SLC24A2: variants seen among roughly 807,000 people sequenced by gnomAD.
The protein encoded by SLC24A2 is sodium/potassium/calcium exchanger 2.
SLC24A2 carries 36 observed loss-of-function variants against 62.0 expected under a neutral mutation model. The observed-to-expected ratio is 0.58, with a 90% CI of 0.44 to 0.77. The LOEUF is 0.77. SLC24A2 is among the 30% of genes least tolerant of loss of function. The probability of loss-of-function intolerance (pLI) is 0.00; values close to 1 mark genes in which losing one functional copy is unlikely to be tolerated. For missense variants in SLC24A2, 846 were observed against 817.9 expected (o/e 1.03, Z -0.42); for synonymous variants, 358 against 294.0 (o/e 1.22, Z -2.23).
At chr9:20,283,374 A>C in the SLC24A2 span, among the ~76,000 whole-genome samples, 1 of 152,146 alleles carries the variant, frequency 6.6e-6, no homozygotes, top group African/African-American at 2.4e-5. Flanking sequence ...TGGAGGGAGG[A>C]AATCTGATTT....
chr9:19,527,950 C>G, intron 9 of SLC24A2, 99 bp downstream of exon 9: 1 of 770,198 alleles, frequency 1.3e-6, no homozygotes, highest in South Asian at 1.5e-5. Flanking sequence ...ACACCCAATA[C>G]TGTTGTGGCA....
intron 7 of SLC24A2, among the ~76,000 whole-genome samples, chr9:19,566,570 T>C (rs1835660647): frequency 6.6e-6 from 1 of 152,118 alleles, no homozygotes; most frequent in Non-Finnish European, 1.5e-5. Context: ...CTCAAGGATC[T>C]AGAACTAGAA....
chr9:20,259,563 A>T, the SLC24A2 span, among the ~76,000 whole-genome samples: 9 of 152,250 alleles, frequency 5.9e-5, no homozygotes, highest in South Asian at 1.9e-3. Flanking sequence ...TGAATGAGTT[A>T]TATGCCTACT....
At chr9:19,741,298 G>C (rs1821669811) in intron 2 of SLC24A2, among the ~76,000 whole-genome samples, 1 of 152,194 alleles carries the variant, frequency 6.6e-6, no homozygotes, top group African/African-American at 2.4e-5. Flanking sequence ...GGGAGCTAGA[G>C]GGAAGTGGGA....
At chr9:20,296,500 T>C in the SLC24A2 span, among the ~76,000 whole-genome samples, 3 of 152,262 alleles carry the variant, frequency 2.0e-5, no homozygotes, top group African/African-American at 4.8e-5. Flanking sequence ...GTAAGCACTA[T>C]GCATGTATGT....
At chr9:20,104,108 G>A in the SLC24A2 span, among the ~76,000 whole-genome samples, 2 of 152,144 alleles carry the variant, frequency 1.3e-5, no homozygotes, top group Non-Finnish European at 2.9e-5. Context: ...AGTGATGGAA[G>A]ATGAAATGAA....
chr9:19,516,783 G>A (rs1422193028), intron 10 of SLC24A2, among the ~76,000 whole-genome samples: 3 of 152,144 alleles, frequency 2.0e-5, no homozygotes, highest in Non-Finnish European at 4.4e-5. Flanking sequence ...GGTGAAGGGA[G>A]CAGGCAGGTG....
At chr9:19,874,252 G>GC in the SLC24A2 span, among the ~76,000 whole-genome samples, 1 of 151,272 alleles carries the variant, frequency 6.6e-6, no homozygotes, top group Non-Finnish European at 1.5e-5. Context: ...GCTAATTTTT[G>GC]TTTTTTTAGT....
the SLC24A2 span, among the ~76,000 whole-genome samples, chr9:20,008,479 T>A: frequency 1.3e-5 from 2 of 152,262 alleles, no homozygotes; most frequent in South Asian, 4.1e-4. Context: ...TATCTACATT[T>A]GTCTCCCACC....
In SLC24A2 at chr9:19,786,295, G is replaced by A. The variant is rs1385580855; in HGVS notation, c.572C>T (p.Thr191Ile). Residue 191 changes from threonine (T) to isoleucine (I), a missense_variant, in exon 2 of 11, where the codon ACA becomes ATA. Physicochemically the swap from Thr to Ile is moderately conservative, Grantham distance 89 (BLOSUM62 -1). Transcript: ENST00000341998. This position sits in a 1 kb window ranked among gnomAD's most constrained non-coding sequence, Gnocchi z 5.0. ...AGCGATAAATACCCCTATGAGAGAT[G>A]TGAAAAGTTCTGGGGCTGACCCTCC... is the stretch of plus-strand genomic sequence containing the variant. ...AAGGSAPELF[T>I]SLIGVFIAHS... 8 of 1,614,028 alleles carry A rather than the reference G, an allele frequency of 5.0e-6. No individual in the cohort carries two copies. Among genetic ancestry groups the A allele is most frequent in the Non-Finnish European group, 4.2e-6 (5 of 1,180,048 alleles).
At position 19,627,152 on chromosome 9, in the gene SLC24A2, C is replaced by A. The variant is rs187080337; in HGVS notation, c.931-4853G>T. The stretch of plus-strand genomic sequence containing the variant: ...AACAATGAAGTGCTGAAGATGACAG[C>A]CCAGGGTGCAGGAGTACCCACTTTA... On this transcript the variant is annotated intron_variant, in intron 2 of 10. Coordinates refer to ENST00000341998, the MANE Select transcript of SLC24A2 (RefSeq NM_020344.4). 2.6e-5 allele frequency among the ~76,000 whole-genome samples: 4 copies of A among 152,230 alleles called. 1 individual carries two copies. The highest frequency in any genetic ancestry group is 2.6e-4 in the Admixed American group (4 of 15,288).
chr9:19,690,545 C>G (rs533119337), intron 2 of SLC24A2, among the ~76,000 whole-genome samples: 2 of 152,216 alleles, frequency 1.3e-5, no homozygotes, highest in East Asian at 1.9e-4. Flanking sequence ...TACAAGGAAC[C>G]TGCCTGAGAA....
intron 8 of SLC24A2, among the ~76,000 whole-genome samples, chr9:19,544,157 T>G (rs1322242184): frequency 1.3e-5 from 2 of 152,212 alleles, no homozygotes; most frequent in African/African-American, 4.8e-5. Flanking sequence ...CTCTTCTTGT[T>G]GCATTGATCC....
chr9:19,846,164 TA>T, the SLC24A2 span, among the ~76,000 whole-genome samples: 1 of 152,336 alleles, frequency 6.6e-6, no homozygotes. Flanking sequence ...TCTGCCTTGA[TA>T]ATTTTTCTAA....
intron 2 of SLC24A2, among the ~76,000 whole-genome samples, chr9:19,748,579 G>A (rs186792670): frequency 1.5e-3 from 230 of 152,170 alleles, no homozygotes; most frequent in African/African-American, 5.1e-3. Context: ...AATTATGATC[G>A]TTGTGGTTTA....
At chr9:19,522,009 A>G (rs1005831140) in intron 9 of SLC24A2, among the ~76,000 whole-genome samples, 2 of 151,562 alleles carry the variant, frequency 1.3e-5, no homozygotes, top group African/African-American at 2.4e-5. Context: ...TTTTAGAAAA[A>G]CTTACTTATT....
At chr9:19,804,519 C>T in the SLC24A2 span, among the ~76,000 whole-genome samples, 3 of 151,952 alleles carry the variant, frequency 2.0e-5, no homozygotes, top group Non-Finnish European at 4.4e-5. Context: ...CTTGCTGAAC[C>T]TGTTTATTCA....
intron 10 of SLC24A2, among the ~76,000 whole-genome samples, chr9:19,519,607 C>T (rs1833094311): frequency 1.3e-5 from 2 of 152,170 alleles, no homozygotes; most frequent in Non-Finnish European, 2.9e-5. Context: ...TGTCAAACAA[C>T]TACCAGTGAT....
the SLC24A2 span, among the ~76,000 whole-genome samples, chr9:20,051,225 A>G: frequency 6.6e-6 from 1 of 152,190 alleles, no homozygotes; most frequent in Admixed American, 6.5e-5. Context: ...TAACAATATT[A>G]ATATCAAGCA....
Sources: allele counts gnomAD v4.1 joint callset (sites outside exome capture counted in the v4.1 genomes callset), GRCh38; gene constraint gnomAD v4.1.1; non-coding constraint Gnocchi (gnomAD v3.1); transcripts MANE v1.5; gene names NCBI Gene and HGNC (gene_info 2026-07-23, HGNC 2026-07-21).